Variants in PRKN observed in about 807,000 individuals in gnomAD.
PRKN encodes the protein parkin RBR E3 ubiquitin protein ligase.
In PRKN, 56 loss-of-function variants were observed where a neutral mutation model predicts 59.5. The ratio of observed to expected loss-of-function variants is 0.94; its 90% CI spans 0.76 to 1.18. The LOEUF is 1.18. Among genes scored for constraint, PRKN ranks in the 50% most tolerant of loss-of-function variants. PRKN has a pLI of 0.00. For synonymous variants in PRKN, 250 were observed against 222.1 expected, an observed-to-expected ratio of 1.13 and a Z score of -1.12; for missense variants, 657 against 596.4, an observed-to-expected ratio of 1.10 and a Z score of -1.06.
At chr6:162,311,432 C>CTCTAACG (rs1218869665) in intron 2 of PRKN, among the ~76,000 whole-genome samples, 2 of 151,370 alleles carry the variant, frequency 1.3e-5, no homozygotes, top group Non-Finnish European at 2.9e-5. Flanking sequence ...ATAAAAGTTA[C>CTCTAACG]TCTAACGACA....
intron 7 of PRKN, among the ~76,000 whole-genome samples, chr6:161,596,816 C>T (rs1358867952): frequency 1.3e-5 from 2 of 152,184 alleles, no homozygotes; most frequent in African/African-American, 4.8e-5. Flanking sequence ...CACAATAGTT[C>T]TCTACCTCTT....
intron 2 of PRKN, among the ~76,000 whole-genome samples, chr6:162,295,737 T>C (rs1252783636): frequency 6.6e-6 from 1 of 152,178 alleles, no homozygotes; most frequent in Non-Finnish European, 1.5e-5. Context: ...TTCATAATTC[T>C]AGAGCAAAGT....
chr6:161,638,533 G>A (rs1783613911), intron 7 of PRKN, among the ~76,000 whole-genome samples: 1 of 152,080 alleles, frequency 6.6e-6, no homozygotes, highest in East Asian at 1.9e-4. Flanking sequence ...ACTTGGCAGA[G>A]GTCAAATGCC....
intron 9 of PRKN, among the ~76,000 whole-genome samples, chr6:161,424,555 T>C (rs1788249726): frequency 6.6e-6 from 1 of 152,064 alleles, no homozygotes; most frequent in Non-Finnish European, 1.5e-5. Context: ...ACATGACCAC[T>C]GAGTTGGGTT....
chr6:162,144,596 C>T (rs1282131142), intron 4 of PRKN, among the ~76,000 whole-genome samples: 1 of 152,178 alleles, frequency 6.6e-6, no homozygotes, highest in East Asian at 1.9e-4. Context: ...GACCTATGGT[C>T]ACAGGCCCAC....
At chr6:161,478,646 G>C (rs1381583216) in intron 9 of PRKN, among the ~76,000 whole-genome samples, 1 of 152,092 alleles carries the variant, frequency 6.6e-6, no homozygotes, top group Non-Finnish European at 1.5e-5. Context: ...GGGGTTTGAG[G>C]CCAGCCTGGG....
chr6:161,648,094 G>A (rs1461867708), intron 7 of PRKN, among the ~76,000 whole-genome samples: 1 of 152,214 alleles, frequency 6.6e-6, no homozygotes, highest in Non-Finnish European at 1.5e-5. Context: ...TCCAGCCAGG[G>A]ATTATTCAGG....
At chr6:162,532,516 G>C (rs1470521644) in intron 1 of PRKN, among the ~76,000 whole-genome samples, 36 of 152,136 alleles carry the variant, frequency 2.4e-4, no homozygotes, top group Admixed American at 2.4e-3. Context: ...TATGATGTCT[G>C]ACTGAAAGCT....
intron 1 of PRKN, among the ~76,000 whole-genome samples, chr6:162,584,653 A>G (rs1780936636): frequency 6.6e-6 from 1 of 152,096 alleles, no homozygotes; most frequent in Non-Finnish European, 1.5e-5. Context: ...CATACAATGA[A>G]TTGTGGGCAT....
At chr6:161,600,732 T>C (rs1048880166) in intron 7 of PRKN, among the ~76,000 whole-genome samples, 1 of 152,198 alleles carries the variant, frequency 6.6e-6, no homozygotes, top group Non-Finnish European at 1.5e-5. Flanking sequence ...TGTTCTCACC[T>C]ACTAGATGGG....
At chr6:162,358,626 A>G (rs1583435461) in intron 2 of PRKN, among the ~76,000 whole-genome samples, 2 of 152,186 alleles carry the variant, frequency 1.3e-5, no homozygotes, top group African/African-American at 2.4e-5. Flanking sequence ...TCTAGTAGAT[A>G]ACTATTAAAG....
In PRKN at chr6:161,561,015, T is replaced by C. The variant is rs1052284832; in HGVS notation, c.933+8340A>G. ...CAGCTGGACACAATGGCACGATGAC[T>C]TTCTCTTAAATAATGGACCACAAAC... On this transcript the variant is annotated intron_variant, in intron 8 of 11. Transcript: ENST00000366898. This position sits in a 1 kb window ranked among gnomAD's most constrained non-coding sequence, Gnocchi z 5.0. Among the ~76,000 whole-genome samples the C allele has an allele frequency of 6.6e-6, 1 of 152,186 alleles. No individual in the cohort carries two copies. Among genetic ancestry groups the C allele is most frequent in the African/African-American group, 2.4e-5 (1 of 41,452 alleles).
intron 4 of PRKN, among the ~76,000 whole-genome samples, chr6:162,157,742 A>G (rs765522990): frequency 6.6e-6 from 1 of 152,032 alleles, no homozygotes; most frequent in Non-Finnish European, 1.5e-5. Flanking sequence ...TTCTGGGACT[A>G]TAATGCAAAA....
intron 2 of PRKN, among the ~76,000 whole-genome samples, chr6:162,382,183 A>C (rs1317124868): frequency 6.6e-6 from 1 of 152,226 alleles, no homozygotes; most frequent in Non-Finnish European, 1.5e-5. Flanking sequence ...TTAGTCACCT[A>C]ATGATGCTGA....
rs148035070 is a variant in PRKN, at chr6:161,462,015, G to C, written c.1084-75138C>G. Among the ~76,000 whole-genome samples, 1 of 152,168 alleles carries C rather than the reference G, an allele frequency of 6.6e-6. No individual in the cohort carries two copies. The stretch of plus-strand genomic sequence containing the variant: ...ATGTGGGCTGTGAAGGATGGCAATG[G>C]TGGGGGAAGATGGCTGGAAAGGTGG... On this transcript the variant is annotated intron_variant, in intron 9 of 11. Coordinates refer to ENST00000366898, the MANE Select transcript of PRKN (RefSeq NM_004562.3). This position sits in a 1 kb window ranked among gnomAD's most constrained non-coding sequence, Gnocchi z 4.5.
intron 7 of PRKN, among the ~76,000 whole-genome samples, chr6:161,719,654 G>A (rs1426807717): frequency 1.3e-5 from 2 of 152,064 alleles, no homozygotes; most frequent in Non-Finnish European, 2.9e-5. Context: ...TAAGTCTTTT[G>A]TTCTCCTATC....
chr6:162,182,250 A>G (rs1783831511), intron 4 of PRKN, among the ~76,000 whole-genome samples: 1 of 152,216 alleles, frequency 6.6e-6, no homozygotes, highest in African/African-American at 2.4e-5. Flanking sequence ...TTGCCTGGAG[A>G]TCAAACGCTA....
rs540830541 is a variant in PRKN, at chr6:161,771,931, G to C, written c.871+13841C>G. Among the ~76,000 whole-genome samples the C allele has an allele frequency of 2.0e-5, 3 of 152,270 alleles. No individual in the cohort carries two copies. In the South Asian group the frequency reaches 6.2e-4, roughly 32 times the overall value. ...TTTCAAAGATAGTAGGAGGTCACTA[G>C]CTCATAGCAATTTCTATGCATGAAG... On this transcript the variant is annotated intron_variant, in intron 7 of 11. Coordinates refer to ENST00000366898, the MANE Select transcript of PRKN (RefSeq NM_004562.3).
intron 2 of PRKN, among the ~76,000 whole-genome samples, chr6:162,296,010 T>A (rs1196649306): frequency 6.6e-6 from 1 of 152,154 alleles, no homozygotes; most frequent in Non-Finnish European, 1.5e-5. Context: ...CCCATGAAAC[T>A]ACAATTTTGG....
Sources: allele counts gnomAD v4.1 joint callset (sites outside exome capture counted in the v4.1 genomes callset), GRCh38; gene constraint gnomAD v4.1.1; non-coding constraint Gnocchi (gnomAD v3.1); transcripts MANE v1.5; gene names NCBI Gene and HGNC (gene_info 2026-07-23, HGNC 2026-07-21).